TMTC1: variants seen among roughly 807,000 people sequenced by gnomAD.
The protein encoded by TMTC1 is transmembrane O-mannosyltransferase targeting cadherins 1.
Under a neutral mutation model 104.8 loss-of-function variants are expected in TMTC1, and 73 were observed. The observed-to-expected ratio is 0.70, with a 90% confidence interval of 0.58 to 0.85. The LOEUF (loss-of-function observed/expected upper bound fraction) is 0.85. Among genes scored for constraint, TMTC1 ranks in the 40% least tolerant of loss-of-function variants. The pLI is 0.00. For missense variants in TMTC1, 1,035 were observed against 1,096.1 expected (o/e 0.94, Z 0.79); for synonymous variants, 434 against 428.7 (o/e 1.01, Z -0.15).
At position 29,633,156 on chromosome 12, in the gene TMTC1, T is replaced by C. The variant is rs561409438; in HGVS notation, c.1119A>G (p.Ala373=). ...VMALLSLHCL[A]AFKRLEHKEV... ...CTTTTGAGAAAATTACCTTAAAGGC[T>C]GCTAAGCAGTGCAGGCTCAATAAGG... Residue 373 remains alanine, a synonymous_variant, in exon 6 of 18, where the codon GCA becomes GCG. Transcript: ENST00000539277. 5.6e-6 allele frequency: 9 copies of C among 1,612,364 alleles called. No homozygotes were observed. Among genetic ancestry groups the C allele is most frequent in the Middle Eastern group, 1.7e-4 (1 of 6,030 alleles).
At chr12:29,529,515 G>A (rs139093488) in intron 11 of TMTC1, among the ~76,000 whole-genome samples, 2 of 152,252 alleles carry the variant, frequency 1.3e-5, no homozygotes, top group East Asian at 3.9e-4. Context: ...TTGTAATATT[G>A]TAATAGTAAT....
At chr12:29,758,612 C>T in intron 3 of TMTC1, 92 bp downstream of exon 3, 1 of 1,256,142 alleles carries the variant, frequency 8.0e-7, no homozygotes, top group Non-Finnish European at 1.1e-6. Flanking sequence ...CATTTCACAA[C>T]CAGAAGCTTC....
chr12:29,660,776 G>T, intron 5 of TMTC1: 2 of 703,758 alleles, frequency 2.8e-6, no homozygotes. Context: ...TATTTCAAAA[G>T]TATATATATA....
intron 5 of TMTC1, among the ~76,000 whole-genome samples, chr12:29,649,272 G>A (rs1267225801): frequency 2.0e-5 from 3 of 152,196 alleles, no homozygotes; most frequent in Admixed American, 1.3e-4. Flanking sequence ...AGGACAGATG[G>A]AGGGATTTAG....
At chr12:29,755,110 T>C in intron 4 of TMTC1, among the ~76,000 whole-genome samples, 1 of 152,212 alleles carries the variant, frequency 6.6e-6, no homozygotes, top group East Asian at 1.9e-4. Flanking sequence ...ATTCTTATCA[T>C]CTATAAGCCA....
intron 16 of TMTC1, among the ~76,000 whole-genome samples, chr12:29,513,169 ATATGACCTT>A (rs1943887444): frequency 6.6e-6 from 1 of 152,210 alleles, no homozygotes; most frequent in Non-Finnish European, 1.5e-5. Context: ...TTTGAGCAAG[ATATGACCTT>A]TAAGCCTGAG....
At chr12:29,767,154 C>T (rs1195271343) in intron 2 of TMTC1, among the ~76,000 whole-genome samples, 2 of 152,076 alleles carry the variant, frequency 1.3e-5, no homozygotes, top group Admixed American at 6.6e-5. Flanking sequence ...GGATTCACCA[C>T]ATTGGCCAGG....
At chr12:29,699,799 C>A (rs1270634826) in intron 5 of TMTC1, among the ~76,000 whole-genome samples, 1 of 151,574 alleles carries the variant, frequency 6.6e-6, no homozygotes, top group Non-Finnish European at 1.5e-5. Flanking sequence ...ACCAACAAGC[C>A]CAGCTAATTT....
intron 5 of TMTC1, among the ~76,000 whole-genome samples, chr12:29,661,890 G>A (rs892998694): frequency 2.0e-5 from 3 of 152,174 alleles, no homozygotes; most frequent in African/African-American, 7.2e-5. Flanking sequence ...AGGAACCTGT[G>A]TGGATCCTGC....
chr12:29,601,384 C>T (rs2136392178), intron 7 of TMTC1, among the ~76,000 whole-genome samples: 1 of 152,306 alleles, frequency 6.6e-6, no homozygotes, highest in Middle Eastern at 3.4e-3. Context: ...GCCTTTATTT[C>T]CTCACAAATT....
At position 29,644,822 on chromosome 12, in the gene TMTC1, A is replaced by C. The variant is rs545681354; in HGVS notation, c.939-11486T>G. On this transcript the variant is annotated intron_variant, in intron 5 of 17. Coordinates refer to ENST00000539277, the MANE Select transcript of TMTC1 (RefSeq NM_001193451.2). Reference sequence around the variant, plus strand: ...CCTCAAGTTTTACATTTCTGACCGCAGCACCTGACTAGCTCACCTCATCTT... The same window carrying C: ...CCTCAAGTTTTACATTTCTGACCGCCGCACCTGACTAGCTCACCTCATCTT... 6.8e-3 allele frequency among the ~76,000 whole-genome samples: 1,038 copies of C among 152,238 alleles called. 15 individuals carry two copies. The highest frequency in any genetic ancestry group is 0.024 in the African/African-American group (983 of 41,530).
chr12:29,508,245 G>A (rs922335520), intron 17 of TMTC1, among the ~76,000 whole-genome samples: 2 of 152,182 alleles, frequency 1.3e-5, no homozygotes, highest in Admixed American at 1.3e-4. Context: ...CAATGACTCT[G>A]ATAAGAAGTT....
chr12:29,679,231 G>A (rs968886693), intron 5 of TMTC1, among the ~76,000 whole-genome samples: 1 of 152,068 alleles, frequency 6.6e-6, no homozygotes, highest in Non-Finnish European at 1.5e-5. Flanking sequence ...TTGCTAAAAT[G>A]TATATATGTA....
intron 5 of TMTC1, among the ~76,000 whole-genome samples, chr12:29,720,691 T>C (rs1942213425): frequency 1.3e-5 from 2 of 151,984 alleles, no homozygotes; most frequent in South Asian, 2.1e-4. Flanking sequence ...AAATTTAACA[T>C]GCTTCAATAC....
At chr12:29,685,450 A>G (rs567124654) in intron 5 of TMTC1, among the ~76,000 whole-genome samples, 1 of 152,248 alleles carries the variant, frequency 6.6e-6, no homozygotes, top group African/African-American at 2.4e-5. Context: ...TGTAGTGCTT[A>G]AAAGATTGAG....
At chr12:29,727,400 G>A (rs977459939) in intron 5 of TMTC1, among the ~76,000 whole-genome samples, 40 of 151,714 alleles carry the variant, frequency 2.6e-4, no homozygotes, top group South Asian at 2.1e-4. Context: ...TTTTTGAGAC[G>A]GAGTCTTGCT....
intron 1 of TMTC1, among the ~76,000 whole-genome samples, chr12:29,773,942 G>A (rs1943650826): frequency 6.6e-6 from 1 of 152,118 alleles, no homozygotes; most frequent in South Asian, 2.1e-4. Flanking sequence ...CGAAGTTGCA[G>A]GTGCTCCTTC....
chr12:29,710,774 TTAA>T lies in TMTC1; in HGVS notation c.938+40889_938+40891del, dbSNP rs1448990003. Among the ~76,000 whole-genome samples the T allele has an allele frequency of 6.1e-5, 8 of 130,300 alleles. No homozygotes were observed. The East Asian group carries it at 6.2e-4, about 10-fold the overall frequency. The allele number at this position is 130,300 out of a possible 152,430, so 85.5% of individuals were successfully genotyped here. A position where few individuals can be genotyped will look rare whatever the true frequency, so the allele number is the denominator to read the frequency against. ...AATCTATTTATATTATATATTTATA[TTAA>T]TAATAAATATATTAATACATAATGT... On this transcript the variant is annotated intron_variant, in intron 5 of 17. Coordinates refer to ENST00000539277, the MANE Select transcript of TMTC1 (RefSeq NM_001193451.2).
At chr12:29,666,613 T>C (rs1940298475) in intron 5 of TMTC1, among the ~76,000 whole-genome samples, 2 of 152,140 alleles carry the variant, frequency 1.3e-5, no homozygotes, top group Non-Finnish European at 2.9e-5. Context: ...CAGTTTGGAA[T>C]GTGGCAGCAA....
Sources: allele counts gnomAD v4.1 joint callset (sites outside exome capture counted in the v4.1 genomes callset), GRCh38; gene constraint gnomAD v4.1.1; transcripts MANE v1.5; gene names NCBI Gene and HGNC (gene_info 2026-07-23, HGNC 2026-07-21).